ANKIB1: variants seen among roughly 807,000 people sequenced by gnomAD.
ANKIB1 encodes ankyrin repeat and IBR domain containing 1.
ANKIB1 carries 43 observed loss-of-function variants against 122.1 expected under a neutral mutation model. That is an observed-to-expected ratio of 0.35 (90% confidence interval 0.28 to 0.45). The LOEUF (loss-of-function observed/expected upper bound fraction) is 0.45. Among genes scored for constraint, ANKIB1 ranks in the 20% least tolerant of loss-of-function variants. The pLI, the probability that ANKIB1 is intolerant of heterozygous loss-of-function variation, is 1.00. For synonymous variants in ANKIB1, 390 were observed against 442.0 expected (o/e 0.88, Z 1.48); for missense variants, 992 against 1,329.5 (o/e 0.75, Z 3.95).
intron 4 of ANKIB1, among the ~76,000 whole-genome samples, chr7:92,323,400 GCTTT>G (rs1397036600): frequency 2.6e-5 from 4 of 152,014 alleles, no homozygotes; most frequent in Non-Finnish European, 2.9e-5. Flanking sequence ...TTTTCTTAAT[GCTTT>G]CTAAGAGAAC....
chr7:92,393,225 AC>A (rs1046895871), intron 17 of ANKIB1, among the ~76,000 whole-genome samples: 3 of 152,082 alleles, frequency 2.0e-5, no homozygotes. Flanking sequence ...TGCTGAAGAT[AC>A]TTGCAATCAC....
intron 3 of ANKIB1, among the ~76,000 whole-genome samples, chr7:92,313,163 G>T (rs1206581921): frequency 6.6e-6 from 1 of 152,098 alleles, no homozygotes; most frequent in Non-Finnish European, 1.5e-5. Context: ...TTCCTATTCA[G>T]CTGTGCCCTA....
intron 1 of ANKIB1, among the ~76,000 whole-genome samples, chr7:92,275,772 G>A (rs1801889474): frequency 6.6e-6 from 1 of 152,172 alleles, no homozygotes. Flanking sequence ...TTGACAGTTG[G>A]GGTACATAAT....
chr7:92,340,097 A>C (rs923032915), intron 5 of ANKIB1, among the ~76,000 whole-genome samples: 1 of 151,116 alleles, frequency 6.6e-6, no homozygotes, highest in African/African-American at 2.4e-5. Context: ...TGGCCACTGA[A>C]TTTTTTTTTA....
At chr7:92,306,094 CT>C (rs1259339132) in intron 2 of ANKIB1, among the ~76,000 whole-genome samples, 3 of 142,904 alleles carry the variant, frequency 2.1e-5, no homozygotes, top group Non-Finnish European at 1.5e-5. Context: ...TACAAGCCTT[CT>C]TCTATAACAT....
chr7:92,389,464 G>A (rs143955496), intron 14 of ANKIB1, among the ~76,000 whole-genome samples: 1 of 151,812 alleles, frequency 6.6e-6, no homozygotes, highest in East Asian at 1.9e-4. Flanking sequence ...TCTTTCTTTG[G>A]ATTTTTTATT....
In ANKIB1 at chr7:92,246,441, T is replaced by C. The variant is rs912291796; in HGVS notation, c.-169T>C. ...GGGTACCTGAGGTCACCAGCTCGGCTGTAGAGGCAGGGGCGGCGGAGGCGG... is the reference window on the plus strand; with the variant it reads ...GGGTACCTGAGGTCACCAGCTCGGCCGTAGAGGCAGGGGCGGCGGAGGCGG... On this transcript the variant is annotated 5_prime_UTR_variant, in exon 1 of 20. Coordinates refer to ENST00000265742, the MANE Select transcript of ANKIB1 (RefSeq NM_019004.2). 4 of 517,794 alleles carry C rather than the reference T, an allele frequency of 7.7e-6. No individual in the cohort carries two copies. In the Admixed American group the frequency reaches 7.8e-5, roughly 10 times the overall value. 32.1% of individuals were successfully genotyped at this position (517,794 alleles called of 1,614,324 possible). A position where few individuals can be genotyped will look rare whatever the true frequency, so the allele number is the denominator to read the frequency against.
intron 1 of ANKIB1, among the ~76,000 whole-genome samples, chr7:92,278,846 G>A (rs1427662937): frequency 6.6e-6 from 1 of 152,170 alleles, no homozygotes; most frequent in Non-Finnish European, 1.5e-5. Flanking sequence ...ACTAAGATGT[G>A]TGTGCGAGGA....
chr7:92,333,714 A>T (rs772664848), intron 5 of ANKIB1, among the ~76,000 whole-genome samples: 1 of 152,244 alleles, frequency 6.6e-6, no homozygotes, highest in Admixed American at 6.5e-5. Context: ...TGGATGGGAC[A>T]TAAAAGGTAT....
chr7:92,335,545 A>G (rs1351273016), intron 5 of ANKIB1, among the ~76,000 whole-genome samples: 1 of 151,944 alleles, frequency 6.6e-6, no homozygotes, highest in Non-Finnish European at 1.5e-5. Context: ...TGCTTAATCT[A>G]TTTTGAAACT....
intron 9 of ANKIB1, among the ~76,000 whole-genome samples, chr7:92,360,950 C>T (rs1437311808): frequency 3.3e-5 from 5 of 151,980 alleles, no homozygotes; most frequent in Non-Finnish European, 4.4e-5. Flanking sequence ...CTGCAGCCTC[C>T]ACCTCCCAGA....
chr7:92,309,942 A>AAAAAAAAATATATATATATAT (rs1335765681), intron 3 of ANKIB1, among the ~76,000 whole-genome samples: 2 of 91,816 alleles, frequency 2.2e-5, no homozygotes, highest in African/African-American at 9.7e-5. Context: ...AAAAAAAAAA[A>AAAAAAAAATATATATATATAT]ATATATATAT....
chr7:92,306,001 A>G (rs1039760630), intron 2 of ANKIB1, among the ~76,000 whole-genome samples: 2 of 152,062 alleles, frequency 1.3e-5, no homozygotes, highest in African/African-American at 4.8e-5. Flanking sequence ...GTTTTTGCTC[A>G]GGGATAGATT....
chr7:92,354,008 GA>G (rs2131987117), intron 9 of ANKIB1, among the ~76,000 whole-genome samples: 1 of 152,302 alleles, frequency 6.6e-6, no homozygotes, highest in African/African-American at 2.4e-5. Flanking sequence ...GTTTTGAAGG[GA>G]AAAGAAGAAA....
chr7:92,361,669 AT>A (rs1000312229), intron 9 of ANKIB1, among the ~76,000 whole-genome samples: 11 of 128,766 alleles, frequency 8.5e-5, no homozygotes, highest in African/African-American at 7.7e-5. Context: ...GAATGTACTG[AT>A]TTTTTTTTTA....
At chr7:92,346,010 C>T (rs1255224243) in intron 7 of ANKIB1, among the ~76,000 whole-genome samples, 1 of 152,066 alleles carries the variant, frequency 6.6e-6, no homozygotes, top group East Asian at 1.9e-4. Flanking sequence ...TCACCACAAC[C>T]CTTAGAATCT....
intron 1 of ANKIB1, among the ~76,000 whole-genome samples, chr7:92,265,273 A>G (rs1801648941): frequency 6.6e-6 from 1 of 152,186 alleles, no homozygotes; most frequent in Admixed American, 6.5e-5. Context: ...ACCCCTAGTG[A>G]AGGACATGAT....
At chr7:92,319,141 A>G (rs1802853072) in intron 3 of ANKIB1, among the ~76,000 whole-genome samples, 189 bp from the exon 4 acceptor site, 1 of 151,898 alleles carries the variant, frequency 6.6e-6, no homozygotes, top group African/African-American at 2.4e-5. Context: ...AAAAACAAGA[A>G]TTACTAATCT....
chr7:92,383,120 CAAAT>C (rs1370915993), intron 11 of ANKIB1, among the ~76,000 whole-genome samples: 1 of 152,200 alleles, frequency 6.6e-6, no homozygotes, highest in East Asian at 1.9e-4. Context: ...CACCTCTACT[CAAAT>C]AAACTAGAAA....
Sources: gnomAD v4.1 joint callset for allele counts (sites outside exome capture counted in the v4.1 genomes callset) on GRCh38, gnomAD v4.1.1 for gene constraint, MANE v1.5 for transcripts, NCBI Gene and HGNC (gene_info 2026-07-23, HGNC 2026-07-21) for gene names.